WSB1: variants seen among roughly 807,000 people sequenced by gnomAD.
WSB1 encodes the protein WD repeat and SOCS box containing 1.
WSB1 carries 23 observed loss-of-function variants against 50.2 expected under a neutral mutation model. That is an observed-to-expected ratio of 0.46 (90% CI 0.33 to 0.65). WSB1 has a LOEUF of 0.65. Among genes scored for constraint, WSB1 ranks in the 30% least tolerant of loss-of-function variants. WSB1 has a pLI of 0.02. For synonymous variants in WSB1, 179 were observed against 172.0 expected (o/e 1.04, Z -0.32); for missense variants, 492 against 522.3 (o/e 0.94, Z 0.56).
chr17:27,312,101 A>C, intron 8 of WSB1, 109 bp from the exon 9 acceptor site: 1 of 1,433,810 alleles, frequency 7.0e-7, no homozygotes, highest in Non-Finnish European at 9.3e-7. Context: ...TTTTAATGTG[A>C]AGTTTGTGAC....
intron 1 of WSB1, among the ~76,000 whole-genome samples, chr17:27,300,173 G>GTGTGTGTGGGGGGTGGGGGTGGA (rs2017168621): frequency 1.4e-5 from 2 of 146,326 alleles, no homozygotes; most frequent in African/African-American, 2.6e-5. Flanking sequence ...TTGGGGGTGG[G>GTGTGTGTGGGGGGTGGGGGTGGA]TGTGTCCATG....
intron 6 of WSB1, 26 bp downstream of exon 6, chr17:27,309,298 T>A: frequency 6.7e-7 from 1 of 1,494,730 alleles, no homozygotes; most frequent in Middle Eastern, 1.8e-4. Flanking sequence ...ATTATTTTAG[T>A]CTATAATTCA....
At chr17:27,307,791 G>A (rs1472642878) in intron 5 of WSB1, 48 of 1,533,176 alleles carry the variant, frequency 3.1e-5, no homozygotes, top group East Asian at 2.4e-5. Context: ...GGCACCACTC[G>A]CACACAGGCG....
At position 27,301,815 on chromosome 17, in the gene WSB1, T is replaced by C. The variant is rs1391025651; in HGVS notation, c.68T>C (p.Leu23Ser). 6.2e-7 allele frequency: 1 copy of C among 1,614,194 alleles called. No homozygotes were observed. The highest frequency in any genetic ancestry group is 2.2e-5 in the East Asian group (1 of 44,888). The stretch of plus-strand genomic sequence containing the variant: ...AGATTACGTACTATAGGTGAACTTT[T>C]AGCTCCTGCAGCTCCTTTTGACAAG... ...IVRLRTIGELLAPAAPFDKKC... is the reference protein window; with the variant it reads ...IVRLRTIGELSAPAAPFDKKC... Residue 23 changes from leucine to serine, a missense_variant, in exon 2 of 9, where the codon TTA (leucine) becomes TCA (serine). Physicochemically the swap from Leu to Ser is moderately radical, Grantham distance 145. Coordinates refer to ENST00000262394, the MANE Select transcript of WSB1 (RefSeq NM_015626.10).
chr17:27,301,269 GCC>G lies in WSB1; in HGVS notation c.41-518_41-517del, dbSNP rs2017218573. Among the ~76,000 whole-genome samples the G allele has an allele frequency of 2.0e-5, 3 of 152,126 alleles. No homozygotes were observed. The South Asian group carries it at 6.2e-4, about 32-fold the overall frequency. ...GGGTTTTGTGATTTTTGTGACCTGGGCCTGAAAAGGGTAAAAATACTTGTTTG... is the reference window on the plus strand; with the variant it reads ...GGGTTTTGTGATTTTTGTGACCTGGGTGAAAAGGGTAAAAATACTTGTTTG... On this transcript the variant is annotated intron_variant, in intron 1 of 8. Transcript: ENST00000262394.
Position 27,313,842 on chromosome 17 carries a change from A to C in WSB1, c.*1473A>C, listed in dbSNP as rs1413663495. The C allele has an allele frequency of 6.6e-6, 1 of 152,228 alleles. No individual in the cohort carries two copies. Among genetic ancestry groups the C allele is most frequent in the Non-Finnish European group, 1.5e-5 (1 of 68,036 alleles). 9.4% of individuals were successfully genotyped at this position (152,228 alleles called of 1,614,324 possible). A position where few individuals can be genotyped will look rare whatever the true frequency, so the allele number is the denominator to read the frequency against. On this transcript the variant is annotated 3_prime_UTR_variant, in exon 9 of 9. Coordinates refer to ENST00000262394, the MANE Select transcript of WSB1 (RefSeq NM_015626.10). ...TGTTTTTAGGAGAACTGTTGTAATA[A>C]TGCATATTTTAAAAGCATAGGGAAG...
At chr17:27,307,092 T>C in intron 5 of WSB1, 1 of 562,128 alleles carries the variant, frequency 1.8e-6, no homozygotes, top group Non-Finnish European at 3.1e-6. Context: ...TTAGAGATAA[T>C]AGATAATAAT....
intron 1 of WSB1, among the ~76,000 whole-genome samples, chr17:27,295,694 A>G (rs995171847): frequency 1.3e-5 from 2 of 152,242 alleles, no homozygotes; most frequent in South Asian, 2.1e-4. Context: ...CAAAGAACTC[A>G]AAAGTTCTTA....
Position 27,301,965 on chromosome 17 carries a change from G to T in WSB1, c.209+9G>T. On this transcript the variant is annotated intron_variant, in intron 2 of 8. Transcript: ENST00000262394. ...CAGTGCCTTCAGAACTTGTAAGACT[G>T]TTACTTTTCTGTATTTTGTATCTGT... 2 of 1,535,538 alleles carry T rather than the reference G, an allele frequency of 1.3e-6. No homozygotes were observed. The highest frequency in any genetic ancestry group is 1.4e-5 in the African/African-American group (1 of 71,082).
intron 2 of WSB1, 198 bp from the exon 3 acceptor site, chr17:27,303,169 C>A: frequency 1.8e-6 from 1 of 563,998 alleles, no homozygotes. Context: ...ACTACTCAGT[C>A]ACTGAGAATT....
At chr17:27,311,687 A>C (rs537921404) in intron 8 of WSB1, 71 bp downstream of exon 8, 1 of 1,130,564 alleles carries the variant, frequency 8.8e-7, no homozygotes, top group Admixed American at 3.2e-5. Flanking sequence ...GCTGGAGTAC[A>C]GTGGTGCAAT....
At chr17:27,311,390 T>G in intron 7 of WSB1, 119 bp from the exon 8 acceptor site, 1 of 632,002 alleles carries the variant, frequency 1.6e-6, no homozygotes, top group Non-Finnish European at 2.7e-6. Context: ...TAATTGCCTG[T>G]TGGTGTGATG....
At chr17:27,295,084 A>G (rs2016898096) in intron 1 of WSB1, among the ~76,000 whole-genome samples, 2 of 152,224 alleles carry the variant, frequency 1.3e-5, no homozygotes, top group Admixed American at 1.3e-4. Context: ...CTTAGTGTCT[A>G]GCCCTGGTCG....
chr17:27,309,297 G>T (rs778230969), intron 6 of WSB1, 25 bp downstream of exon 6: 1 of 1,504,146 alleles, frequency 6.6e-7, no homozygotes, highest in South Asian at 1.3e-5. Context: ...AATTATTTTA[G>T]TCTATAATTC....
intron 5 of WSB1, chr17:27,308,738 AAGAG>A (rs1263211284): frequency 1.0e-5 from 10 of 987,092 alleles, no homozygotes; most frequent in Non-Finnish European, 1.2e-5. Context: ...CTGGAAAAAA[AAGAG>A]AAGGGGGTTT....
chr17:27,310,986 C>T (rs1437982284), intron 7 of WSB1, among the ~76,000 whole-genome samples: 2 of 152,084 alleles, frequency 1.3e-5, no homozygotes, highest in South Asian at 4.1e-4. Flanking sequence ...TCTCACACCA[C>T]AGGGGTATAC....
chr17:27,308,255 G>T (rs1342463401), intron 5 of WSB1: 6 of 985,548 alleles, frequency 6.1e-6, no homozygotes, highest in African/African-American at 3.5e-5. Context: ...AGGAGAGATT[G>T]TCTTAGGATA....
intron 1 of WSB1, among the ~76,000 whole-genome samples, chr17:27,296,465 TC>T: frequency 6.6e-6 from 1 of 152,320 alleles, no homozygotes; most frequent in African/African-American, 2.4e-5. Flanking sequence ...TTACTTTTTT[TC>T]TTTTCTTGGG....
chr17:27,296,745 T>TA (rs1286783932), intron 1 of WSB1, among the ~76,000 whole-genome samples: 1 of 152,220 alleles, frequency 6.6e-6, no homozygotes, highest in Non-Finnish European at 1.5e-5. Context: ...TGTTGTATCT[T>TA]ACGGCTGATT....
Sources: gnomAD v4.1 joint callset for allele counts (sites outside exome capture counted in the v4.1 genomes callset) on GRCh38, gnomAD v4.1.1 for gene constraint, MANE v1.5 for transcripts, NCBI Gene and HGNC (gene_info 2026-07-23, HGNC 2026-07-21) for gene names.